Variants in UNC13C observed in about 807,000 individuals in gnomAD.
UNC13C encodes the protein protein unc-13 homolog C.
UNC13C carries 174 observed loss-of-function variants against 245.4 expected under a neutral mutation model. The observed-to-expected ratio is 0.71, with a 90% CI of 0.63 to 0.80. UNC13C has a LOEUF of 0.80. Ranked by LOEUF, UNC13C falls within the 30% of genes least tolerant of loss-of-function variation. The pLI is 0.00. For synonymous variants in UNC13C, 992 were observed against 895.1 expected, an observed-to-expected ratio of 1.11 and a Z score of -1.93; for missense variants, 2,829 against 2,602.9, an observed-to-expected ratio of 1.09 and a Z score of -1.89.
intron 4 of UNC13C, among the ~76,000 whole-genome samples, chr15:54,144,948 T>A (rs1595907717): frequency 6.6e-6 from 1 of 152,096 alleles, no homozygotes; most frequent in East Asian, 1.9e-4. Context: ...ATTATCTATC[T>A]ATCTATATAG....
At chr15:54,403,565 A>T (rs1319354925) in intron 18 of UNC13C, among the ~76,000 whole-genome samples, 2 of 151,718 alleles carry the variant, frequency 1.3e-5, no homozygotes, top group East Asian at 3.9e-4. Context: ...AAAATACAAA[A>T]ATTAGCCAGG....
In UNC13C at chr15:54,485,752, C is replaced by T. The variant is rs141295209; in HGVS notation, c.4934-8856C>T. 3.3e-3 allele frequency among the ~76,000 whole-genome samples: 506 copies of T among 152,294 alleles called. 2 individuals are homozygous for T. Among genetic ancestry groups the T allele is most frequent in the African/African-American group, 0.012 (488 of 41,556 alleles). On this transcript the variant is annotated intron_variant, in intron 19 of 32. Coordinates refer to ENST00000260323, the MANE Select transcript of UNC13C (RefSeq NM_001080534.3). ...CACTTTGCTTCAGTCACACTGGCCT[C>T]CTTGCATCTCTTTGAGCTTGTCAAG...
At chr15:53,946,673 G>GTTT in the UNC13C span, among the ~76,000 whole-genome samples, 15 of 99,254 alleles carry the variant, frequency 1.5e-4, no homozygotes, top group African/African-American at 4.8e-4. Flanking sequence ...GTGAGCTGAG[G>GTTT]TTTTTTTTTT....
At chr15:54,343,902 G>T (rs1567202522) in intron 17 of UNC13C, among the ~76,000 whole-genome samples, 5 of 151,824 alleles carry the variant, frequency 3.3e-5, no homozygotes, top group Admixed American at 2.6e-4. Flanking sequence ...GTAAGGGGGG[G>T]TCCTGGCTAA....
intron 4 of UNC13C, among the ~76,000 whole-genome samples, chr15:54,176,218 A>G (rs1000759871): frequency 6.6e-6 from 1 of 152,158 alleles, no homozygotes; most frequent in African/African-American, 2.4e-5. Flanking sequence ...AAATTTTATT[A>G]AGGCTGCTTC....
chr15:54,599,495 G>A (rs1245901873), intron 30 of UNC13C, among the ~76,000 whole-genome samples: 2 of 151,910 alleles, frequency 1.3e-5, no homozygotes, highest in East Asian at 1.9e-4. Context: ...GATAAAAATG[G>A]TAAGATCTAT....
intron 2 of UNC13C, among the ~76,000 whole-genome samples, chr15:54,057,537 C>T (rs1213213770): frequency 2.0e-5 from 3 of 151,204 alleles, no homozygotes; most frequent in East Asian, 1.9e-4. Context: ...CCACTGTCAA[C>T]ATTAGACAGA....
intron 2 of UNC13C, among the ~76,000 whole-genome samples, chr15:54,020,958 A>G (rs1895877058): frequency 6.6e-6 from 1 of 152,206 alleles, no homozygotes; most frequent in South Asian, 2.1e-4. Context: ...GTGCATAACA[A>G]TAACCTTTTG....
At chr15:54,506,964 C>G (rs144930674) in intron 22 of UNC13C, among the ~76,000 whole-genome samples, 153 bp from the exon 23 acceptor site, 3 of 152,112 alleles carry the variant, frequency 2.0e-5, no homozygotes, top group African/African-American at 7.2e-5. Flanking sequence ...AAACAGAGGG[C>G]ATTCTTAGGC....
chr15:54,027,182 G>GAA (rs201428032), intron 2 of UNC13C, among the ~76,000 whole-genome samples: 168 of 141,844 alleles, frequency 1.2e-3, no homozygotes, highest in Middle Eastern at 3.6e-3. Flanking sequence ...GAAAAAAAAA[G>GAA]AAAAAAAAAA....
the UNC13C span, among the ~76,000 whole-genome samples, chr15:53,906,693 A>G: frequency 1.3e-5 from 2 of 152,326 alleles, no homozygotes; most frequent in Non-Finnish European, 2.9e-5. Context: ...GGCCATACCC[A>G]GTACCCTGTA....
At chr15:53,866,025 A>G in the UNC13C span, among the ~76,000 whole-genome samples, 1 of 152,194 alleles carries the variant, frequency 6.6e-6, no homozygotes, top group Admixed American at 6.5e-5. Context: ...TAGAATTACC[A>G]CAAAGAAATA....
chr15:54,019,683 A>G (rs1274483291), intron 2 of UNC13C, among the ~76,000 whole-genome samples: 1 of 152,176 alleles, frequency 6.6e-6, no homozygotes, highest in African/African-American at 2.4e-5. Flanking sequence ...CATCATGTAT[A>G]TATTCTGTTT....
At chr15:54,125,324 A>T (rs1374155496) in intron 2 of UNC13C, among the ~76,000 whole-genome samples, 2 of 152,092 alleles carry the variant, frequency 1.3e-5, no homozygotes, top group Non-Finnish European at 2.9e-5. Context: ...TTAGCCTGGC[A>T]TGGTGGTGGG....
chr15:54,199,656 C>T (rs2034460812), intron 4 of UNC13C, among the ~76,000 whole-genome samples: 1 of 152,116 alleles, frequency 6.6e-6, no homozygotes, highest in Non-Finnish European at 1.5e-5. Flanking sequence ...GAATTTGCCA[C>T]TACCAAGACA....
intron 18 of UNC13C, among the ~76,000 whole-genome samples, chr15:54,413,368 CTT>C (rs759234101): frequency 1.3e-4 from 19 of 151,990 alleles, no homozygotes; most frequent in Non-Finnish European, 2.4e-4. Context: ...ATAAAGTACT[CTT>C]ATTATATCAC....
intron 1 of UNC13C, among the ~76,000 whole-genome samples, chr15:53,984,493 A>G (rs1039110999): frequency 6.6e-6 from 1 of 152,190 alleles, no homozygotes; most frequent in Non-Finnish European, 1.5e-5. Flanking sequence ...GTGTTTGTGC[A>G]AACTTTGGCA....
intron 17 of UNC13C, among the ~76,000 whole-genome samples, chr15:54,364,563 G>A (rs1164348260): frequency 1.3e-5 from 2 of 152,068 alleles, no homozygotes; most frequent in African/African-American, 4.8e-5. Flanking sequence ...TTTGGAAACT[G>A]ACTGAGCTGA....
chr15:54,631,520 T>TATC (rs1328918861), downstream of UNC13C: 1 of 152,234 alleles, frequency 6.6e-6, no homozygotes, highest in African/African-American at 2.4e-5. Flanking sequence ...CTTTTCCTAC[T>TATC]ATCAACCCTC....
Sources: allele counts gnomAD v4.1 joint callset (sites outside exome capture counted in the v4.1 genomes callset), GRCh38; gene constraint gnomAD v4.1.1; transcripts MANE v1.5; gene names NCBI Gene and HGNC (gene_info 2026-07-23, HGNC 2026-07-21).